CNOT4: variants seen among roughly 807,000 people sequenced by gnomAD.
CNOT4 encodes CCR4-NOT transcription complex subunit 4.
In CNOT4, 8 loss-of-function variants were observed where a neutral mutation model predicts 73.8. The ratio of observed to expected loss-of-function variants is 0.11; its 90% confidence interval spans 0.06 to 0.20. The LOEUF (loss-of-function observed/expected upper bound fraction) is 0.20. CNOT4 is among the 10% of genes least tolerant of loss of function. CNOT4 has a pLI of 1.00. For synonymous variants in CNOT4, 293 were observed against 321.1 expected, an observed-to-expected ratio of 0.91 and a Z score of 0.94; for missense variants, 564 against 883.4, an observed-to-expected ratio of 0.64 and a Z score of 4.58.
At chr7:135,416,698 T>C (rs1797893799) in intron 3 of CNOT4, among the ~76,000 whole-genome samples, 1 of 152,144 alleles carries the variant, frequency 6.6e-6, no homozygotes, top group South Asian at 2.1e-4. Context: ...CGGTCACAGG[T>C]TGTCCTGCAT....
chr7:135,434,081 C>G (rs1799011461), intron 2 of CNOT4, among the ~76,000 whole-genome samples: 1 of 152,172 alleles, frequency 6.6e-6, no homozygotes, highest in South Asian at 2.1e-4. Context: ...TTGCATCTCC[C>G]AAGTTTCTTC....
intron 1 of CNOT4, among the ~76,000 whole-genome samples, chr7:135,481,288 C>G (rs1410102595): frequency 6.6e-6 from 1 of 151,744 alleles, no homozygotes; most frequent in African/African-American, 2.4e-5. Flanking sequence ...CATGAATAGA[C>G]ATTTCTTAAA....
chr7:135,386,978 G>T, intron 10 of CNOT4: 1 of 564,598 alleles, frequency 1.8e-6, no homozygotes, highest in Non-Finnish European at 2.2e-6. Flanking sequence ...AACACTGAAT[G>T]CTGGAGAAGG....
chr7:135,413,671 G>A (rs1314821469), intron 5 of CNOT4, 58 bp from the exon 6 acceptor site: 10 of 1,539,266 alleles, frequency 6.5e-6, no homozygotes, highest in African/African-American at 4.2e-5. Context: ...ACAACACAAT[G>A]AGAATCTCCA....
In CNOT4 at chr7:135,363,104, G is replaced by A. The variant is rs2129482312; in HGVS notation, c.1923C>T (p.Leu641=). 1 of 1,614,056 alleles carries A rather than the reference G, an allele frequency of 6.2e-7. No individual in the cohort carries two copies. The highest frequency in any genetic ancestry group is 8.5e-7 in the Non-Finnish European group (1 of 1,180,026). The change falls in exon 12 of 12, where the codon CTC becomes CTT. Residue 641 remains leucine (L), a synonymous_variant. Transcript: ENST00000541284. This position sits in a 1 kb window ranked among gnomAD's most constrained non-coding sequence, Gnocchi z 4.3. ...PPHWLKSLQA[L]TEMDGPSAAP... is the part of the protein sequence containing the mutation. ...CAGCGCTGGGGCCGTCCATCTCTGT[G>A]AGGGCCTGAAGGGATTTTAGCCAGT... is the stretch of plus-strand genomic sequence containing the variant.
At chr7:135,374,110 T>C (rs562643965) in intron 10 of CNOT4, among the ~76,000 whole-genome samples, 22 of 152,194 alleles carry the variant, frequency 1.4e-4, no homozygotes, top group Non-Finnish European at 2.8e-4. Context: ...CCACTGACAA[T>C]TGTTTTCCAT....
intron 1 of CNOT4, among the ~76,000 whole-genome samples, chr7:135,463,555 A>C: frequency 4.2e-5 from 1 of 23,602 alleles, no homozygotes; most frequent in East Asian, 1.2e-3. Flanking sequence ...AAAAAAAAAA[A>C]AAAAAACCAA....
intron 1 of CNOT4, among the ~76,000 whole-genome samples, chr7:135,456,529 G>A (rs535088031): frequency 2.6e-5 from 4 of 151,934 alleles, no homozygotes; most frequent in Non-Finnish European, 4.4e-5. Flanking sequence ...ATAATCATCC[G>A]TCGGTATCAT....
chr7:135,419,675 C>A lies in CNOT4; in HGVS notation c.372+2481G>T, dbSNP rs1026789228. ...AAGTACTCTCTTTCAGTAGTCACTA[C>A]TTAGATTCATTTCCTTCAATATAAT... is the stretch of plus-strand genomic sequence containing the variant. On this transcript the variant is annotated intron_variant, in intron 3 of 11. Coordinates refer to ENST00000541284, the MANE Select transcript of CNOT4 (RefSeq NM_001190850.2). Among the ~76,000 whole-genome samples, 3 of 152,210 alleles carry A rather than the reference C, an allele frequency of 2.0e-5. No homozygotes were observed. In the East Asian group the frequency reaches 5.8e-4, roughly 29 times the overall value.
chr7:135,388,251 A>G (rs1219239984), intron 10 of CNOT4: 1 of 985,194 alleles, frequency 1.0e-6, no homozygotes, highest in Non-Finnish European at 1.2e-6. Flanking sequence ...TGTAATGCAT[A>G]TTATAGGATA....
chr7:135,408,710 G>A (rs1797436172), intron 7 of CNOT4, among the ~76,000 whole-genome samples: 1 of 152,090 alleles, frequency 6.6e-6, no homozygotes, highest in African/African-American at 2.4e-5. Context: ...ACAGCTTTGG[G>A]ATGTGGGAGG....
At chr7:135,455,370 T>C (rs1269069778) in intron 1 of CNOT4, among the ~76,000 whole-genome samples, 2 of 151,980 alleles carry the variant, frequency 1.3e-5, no homozygotes, top group Non-Finnish European at 2.9e-5. Context: ...GCTTTGAATA[T>C]AGAAAATAAT....
chr7:135,492,985 G>A (rs1585729298), intron 1 of CNOT4, among the ~76,000 whole-genome samples: 1 of 152,210 alleles, frequency 6.6e-6, no homozygotes. Flanking sequence ...AAGAGAAGGT[G>A]TAACCCAGGT....
Position 135,410,622 on chromosome 7 carries a change from C to T in CNOT4, c.714G>A (p.Gln238=), listed in dbSNP as rs769970484. 1 of 1,594,416 alleles carries T rather than the reference C, an allele frequency of 6.3e-7. No individual in the cohort carries two copies. The highest frequency in any genetic ancestry group is 1.2e-5 in the South Asian group (1 of 86,294). ...ATTTATATAATTCTTGAAGTAGCTT[C>T]TGTTCATATTCTTGGTGTTTACCCG... ...MQAGKHQEYE[Q]KLLQELYKLN... is the part of the protein sequence containing the mutation. Residue 238 remains glutamine (Q), a synonymous_variant, in exon 7 of 12, where the codon CAG becomes CAA. Transcript: ENST00000541284.
At chr7:135,445,597 A>C (rs1421613013) in intron 1 of CNOT4, among the ~76,000 whole-genome samples, 5 of 152,230 alleles carry the variant, frequency 3.3e-5, no homozygotes, top group Non-Finnish European at 7.3e-5. Context: ...TTTATTTCTC[A>C]AATGTGTTCT....
intron 2 of CNOT4, among the ~76,000 whole-genome samples, chr7:135,429,293 T>C (rs1364492226): frequency 6.6e-6 from 1 of 152,180 alleles, no homozygotes; most frequent in Non-Finnish European, 1.5e-5. Context: ...GTATCATTTT[T>C]CCCTCCTTTC....
chr7:135,504,468 T>A (rs55936327), intron 1 of CNOT4, among the ~76,000 whole-genome samples: 6 of 52,958 alleles, frequency 1.1e-4, no homozygotes, highest in African/African-American at 5.7e-4. Context: ...GCTAATTTTT[T>A]TTTTTTTTTT....
intron 10 of CNOT4, among the ~76,000 whole-genome samples, chr7:135,383,255 G>C (rs567054464): frequency 5.9e-5 from 9 of 152,120 alleles, no homozygotes; most frequent in African/African-American, 1.7e-4. Flanking sequence ...AGTGAGCTTG[G>C]GAGAAGCTAT....
intron 1 of CNOT4, among the ~76,000 whole-genome samples, chr7:135,503,095 G>C (rs957944908): frequency 2.0e-5 from 3 of 152,174 alleles, no homozygotes; most frequent in Admixed American, 6.5e-5. Context: ...AGAAGTTGCA[G>C]TGAGCCGGGA....
Sources: allele counts gnomAD v4.1 joint callset (sites outside exome capture counted in the v4.1 genomes callset), GRCh38; gene constraint gnomAD v4.1.1; non-coding constraint Gnocchi (gnomAD v3.1); transcripts MANE v1.5; gene names NCBI Gene and HGNC (gene_info 2026-07-23, HGNC 2026-07-21).